Variants in NLGN4X observed in about 807,000 individuals in gnomAD.
The protein encoded by NLGN4X is neuroligin-4, X-linked.
In NLGN4X, 3 loss-of-function variants were observed where a neutral mutation model predicts 40.3. The observed-to-expected ratio is 0.07, with a 90% CI of 0.03 to 0.19. NLGN4X has a LOEUF of 0.19. NLGN4X is among the 10% of genes least tolerant of loss of function. NLGN4X has a pLI of 1.00. For missense variants in NLGN4X, 382 were observed against 708.3 expected (o/e 0.54, Z 5.23); for synonymous variants, 270 against 306.8 (o/e 0.88, Z 1.25).
chrX:5,922,946 T>C (rs1224883956), intron 3 of NLGN4X, among the ~76,000 whole-genome samples: 1 of 111,850 alleles, frequency 8.9e-6, no homozygotes, highest in Non-Finnish European at 1.9e-5. Context: ...TATCTATATC[T>C]ATTTATTTGT....
intron 2 of NLGN4X, among the ~76,000 whole-genome samples, chrX:6,051,038 A>G (rs1201811426): frequency 9.0e-6 from 1 of 111,581 alleles, no homozygotes; most frequent in East Asian, 2.8e-4. Flanking sequence ...GCAAAGCTTG[A>G]CGGGGTGTAC....
chrX:5,892,718 G>A lies in NLGN4X; in HGVS notation c.*99C>T, dbSNP rs750719645. On this transcript the variant is annotated 3_prime_UTR_variant, in exon 6 of 6. Transcript: ENST00000381095. ...GTGGGACAAAAACATTCCTGGTCTG[G>A]AGACTTTCTTTCTCTCTCTCTTTCC... The A allele has an allele frequency of 1.8e-6, 2 of 1,121,995 alleles. No individual in the cohort carries two copies. Among genetic ancestry groups the A allele is most frequent in the African/African-American group, 3.6e-5 (2 of 55,019 alleles). The allele number at this position is 1,121,995 out of a possible 1,213,427, so 92.5% of individuals were successfully genotyped here.
At chrX:5,940,004 G>A (rs2033869618) in intron 3 of NLGN4X, among the ~76,000 whole-genome samples, 1 of 111,222 alleles carries the variant, frequency 9.0e-6, no homozygotes. Flanking sequence ...AGAACGTGTG[G>A]AAAAATACAA....
At chrX:6,187,322 CAAAAA>C (rs74706267) in intron 1 of NLGN4X, among the ~76,000 whole-genome samples, 1 of 64,879 alleles carries the variant, frequency 1.5e-5, no homozygotes, top group Non-Finnish European at 2.9e-5. Context: ...ACTAAAAATA[CAAAAA>C]AAAAAAAAAA....
At chrX:5,961,031 T>A (rs2034648041) in intron 3 of NLGN4X, among the ~76,000 whole-genome samples, 2 of 111,361 alleles carry the variant, frequency 1.8e-5, no homozygotes, top group African/African-American at 6.5e-5. Flanking sequence ...TTTTTATTTA[T>A]TTATTTATTT....
chrX:6,158,967 C>T (rs765699287), intron 1 of NLGN4X, among the ~76,000 whole-genome samples: 1 of 111,728 alleles, frequency 9.0e-6, no homozygotes, highest in South Asian at 3.7e-4. Context: ...AAAAATATTG[C>T]CACAATCCAG....
chrX:5,958,170 A>C (rs2034556291), intron 3 of NLGN4X, among the ~76,000 whole-genome samples: 2 of 111,820 alleles, frequency 1.8e-5, no homozygotes, highest in Non-Finnish European at 3.8e-5. Flanking sequence ...TGATGGGGGA[A>C]GGCAGGGAGC....
chrX:6,221,398 T>TAC (rs1451695837), intron 1 of NLGN4X, among the ~76,000 whole-genome samples: 2 of 34,940 alleles, frequency 5.7e-5, no homozygotes, highest in Admixed American at 7.9e-4. Context: ...ATATTATATA[T>TAC]ATATATATAT....
intron 3 of NLGN4X, among the ~76,000 whole-genome samples, chrX:6,021,059 TCCCTCCCTCCCTCCCTCC>T (rs2036533198): frequency 4.5e-5 from 1 of 22,183 alleles, no homozygotes; most frequent in Non-Finnish European, 7.7e-5. Context: ...CCTCCCTCCC[TCCCTCCCTCCCTCCCTCC>T]CTCTCTCTCT....
In NLGN4X at chrX:5,891,130, T is replaced by A. The variant is rs147500847; in HGVS notation, c.*1687A>T. On this transcript the variant is annotated 3_prime_UTR_variant, in exon 6 of 6. Transcript: ENST00000381095. ...TTCCACCTTATAACACTCAAAACTT[T>A]CCTGAAAAATGAGAAGAGAAATGAA... 790 of 230,168 alleles carry A rather than the reference T, an allele frequency of 3.4e-3. 1 individual carries two copies. Among genetic ancestry groups the A allele is most frequent in the Non-Finnish European group, 5.1e-3 (650 of 126,499 alleles). The allele number at this position is 230,168 out of a possible 1,213,427, so 19.0% of individuals were successfully genotyped here.
intron 2 of NLGN4X, among the ~76,000 whole-genome samples, chrX:6,146,606 T>C (rs979945162): frequency 2.7e-5 from 3 of 110,254 alleles, no homozygotes; most frequent in African/African-American, 9.9e-5. Flanking sequence ...AAGAGTCAGG[T>C]GTCATCTTGG....
At chrX:6,078,230 T>C (rs183786773) in intron 2 of NLGN4X, among the ~76,000 whole-genome samples, 1 of 112,079 alleles carries the variant, frequency 8.9e-6, no homozygotes, top group African/African-American at 3.2e-5. Context: ...CACTGCTTTA[T>C]CTTCTGTCCC....
chrX:6,139,218 C>G (rs1322107676), intron 2 of NLGN4X, among the ~76,000 whole-genome samples: 2 of 111,324 alleles, frequency 1.8e-5, no homozygotes, highest in South Asian at 7.4e-4. Flanking sequence ...ATTTAAACAC[C>G]AGGTGATAAA....
chrX:6,048,617 G>A (rs2037388259), intron 2 of NLGN4X, among the ~76,000 whole-genome samples: 1 of 111,722 alleles, frequency 9.0e-6, no homozygotes, highest in Non-Finnish European at 1.9e-5. Flanking sequence ...ATGATTGACT[G>A]GATAAAGCAA....
intron 3 of NLGN4X, among the ~76,000 whole-genome samples, chrX:5,997,587 TATATATATATACAC>T (rs1215590360): frequency 1.0e-3 from 43 of 41,409 alleles, no homozygotes; most frequent in African/African-American, 4.1e-3. Flanking sequence ...TGTGTGTGTG[TATATATATATACAC>T]ATATATATAT....
rs765656937 is a variant in NLGN4X, at chrX:6,193,675, C to A, written c.-306+34866G>T. Among the ~76,000 whole-genome samples, 4 of 111,434 alleles carry A rather than the reference C, an allele frequency of 3.6e-5. No individual in the cohort carries two copies. The East Asian group carries it at 1.1e-3, about 32-fold the overall frequency. On this transcript the variant is annotated intron_variant, in intron 1 of 5. Transcript: ENST00000381095. ...GGAACTAGTCTAGTGGGAGCACCTACACACATGCATGGCTGCATGTGGAAT... is the reference window on the plus strand; with the variant it reads ...GGAACTAGTCTAGTGGGAGCACCTAAACACATGCATGGCTGCATGTGGAAT...
At chrX:6,074,450 A>AT (rs2038144337) in intron 2 of NLGN4X, among the ~76,000 whole-genome samples, 1 of 111,257 alleles carries the variant, frequency 9.0e-6, no homozygotes, top group Non-Finnish European at 1.9e-5. Context: ...CAAATAGGGG[A>AT]TCGTTTGTAT....
intron 1 of NLGN4X, among the ~76,000 whole-genome samples, chrX:6,217,997 G>A (rs1176312786): frequency 3.6e-5 from 4 of 111,847 alleles, no homozygotes; most frequent in Non-Finnish European, 7.5e-5. Flanking sequence ...CTTCTCATTG[G>A]TTCTGATGCA....
intron 3 of NLGN4X, among the ~76,000 whole-genome samples, chrX:5,933,042 C>T (rs1292059037): frequency 9.1e-6 from 1 of 109,990 alleles, no homozygotes; most frequent in African/African-American, 3.3e-5. Context: ...TAGCACAAGA[C>T]ATTAGCAGAC....
Sources: allele counts gnomAD v4.1 joint callset (sites outside exome capture counted in the v4.1 genomes callset), GRCh38; gene constraint gnomAD v4.1.1; transcripts MANE v1.5; gene names NCBI Gene and HGNC (gene_info 2026-07-23, HGNC 2026-07-21).